Variants in CRACDL observed in about 807,000 individuals in gnomAD.
CRACDL encodes CRACD like.
Under a neutral mutation model 70.6 loss-of-function variants are expected in CRACDL, and 26 were observed. That is an observed-to-expected ratio of 0.37 (90% CI 0.27 to 0.51). The LOEUF is 0.51. Among genes scored for constraint, CRACDL ranks in the 20% least tolerant of loss-of-function variants. The pLI is 0.94. For missense variants in CRACDL, 1,283 were observed against 1,376.9 expected (o/e 0.93, Z 1.08); for synonymous variants, 618 against 615.2 (o/e 1.00, Z -0.07).
intron 1 of CRACDL, among the ~76,000 whole-genome samples, chr2:98,911,904 A>G (rs753684019): frequency 2.0e-5 from 3 of 152,210 alleles, no homozygotes; most frequent in African/African-American, 4.8e-5. Context: ...TGATGTGCCC[A>G]TACCACATAC....
At chr2:98,893,103 A>G (rs974465148) in intron 1 of CRACDL, among the ~76,000 whole-genome samples, 1 of 152,210 alleles carries the variant, frequency 6.6e-6, no homozygotes, top group Non-Finnish European at 1.5e-5. Context: ...CTCCAGGCAC[A>G]GCAGCAGGGA....
chr2:98,797,690 T>A (rs1173365536), intron 7 of CRACDL, among the ~76,000 whole-genome samples, 153 bp from the exon 8 acceptor site: 1 of 152,214 alleles, frequency 6.6e-6, no homozygotes, highest in Non-Finnish European at 1.5e-5. Context: ...TGTTTTCTTA[T>A]TAAAGATGCA....
intron 7 of CRACDL, among the ~76,000 whole-genome samples, chr2:98,807,078 G>C (rs1704336638): frequency 6.6e-6 from 1 of 152,134 alleles, no homozygotes; most frequent in Non-Finnish European, 1.5e-5. Flanking sequence ...GACCCTCACA[G>C]CCCTCCTTGC....
chr2:98,847,819 A>T lies in CRACDL; in HGVS notation c.-10-1009T>A, dbSNP rs1706322978. Among the ~76,000 whole-genome samples, 5 of 152,230 alleles carry T rather than the reference A, an allele frequency of 3.3e-5. No homozygotes were observed. The South Asian group carries it at 8.3e-4, about 25-fold the overall frequency. ...AATATTTAACCAATTCACGTTTACC[A>T]CTTGTACACAGCACAGAATGGGAAA... On this transcript the variant is annotated intron_variant, in intron 1 of 9. Coordinates refer to ENST00000397899, the MANE Select transcript of CRACDL (RefSeq NM_207362.3).
At chr2:98,901,994 C>T (rs1323464749) in intron 1 of CRACDL, among the ~76,000 whole-genome samples, 3 of 152,088 alleles carry the variant, frequency 2.0e-5, no homozygotes, top group South Asian at 4.2e-4. Context: ...ACCGAGAAAG[C>T]GGGACGTCAT....
chr2:98,910,244 G>A (rs1177851262), intron 1 of CRACDL, among the ~76,000 whole-genome samples: 1 of 152,166 alleles, frequency 6.6e-6, no homozygotes, highest in Non-Finnish European at 1.5e-5. Flanking sequence ...TTGAGGCCAG[G>A]TGTGGTGGCT....
rs189457429 is a variant in CRACDL at position 98,905,529 on chromosome 2, A to G, written c.-11+30409T>C. Among the ~76,000 whole-genome samples, 158 of 152,274 alleles carry G rather than the reference A, an allele frequency of 1.0e-3. 1 individual carries two copies. The highest frequency in any genetic ancestry group is 3.6e-3 in the African/African-American group (150 of 41,562). On this transcript the variant is annotated intron_variant, in intron 1 of 9. Transcript: ENST00000397899. ...GTTACCCAGTCTCAGGTATTCTTTT[A>G]TAACAACACAAATGGACTAACACAC...
At chr2:98,918,726 G>A (rs1159925266) in intron 1 of CRACDL, among the ~76,000 whole-genome samples, 3 of 151,794 alleles carry the variant, frequency 2.0e-5, no homozygotes, top group Non-Finnish European at 2.9e-5. Flanking sequence ...TTGATCATTC[G>A]TGTGTCTTCT....
intron 1 of CRACDL, among the ~76,000 whole-genome samples, chr2:98,932,766 T>G (rs1239364145): frequency 2.0e-5 from 3 of 152,204 alleles, no homozygotes; most frequent in Admixed American, 2.0e-4. Context: ...CAGAGATATT[T>G]TAAACTTCCT....
chr2:98,881,692 A>T (rs1009992237), intron 1 of CRACDL, among the ~76,000 whole-genome samples: 1 of 152,158 alleles, frequency 6.6e-6, no homozygotes, highest in African/African-American at 2.4e-5. Flanking sequence ...AAGGACAAGG[A>T]GCTGCCACAA....
chr2:98,848,459 A>C (rs1706350737), intron 1 of CRACDL, among the ~76,000 whole-genome samples: 2 of 152,132 alleles, frequency 1.3e-5, no homozygotes, highest in Non-Finnish European at 2.9e-5. Context: ...AGGAGTCACC[A>C]TCTGTTCCCC....
chr2:98,919,064 G>A (rs916174895), intron 1 of CRACDL, among the ~76,000 whole-genome samples: 2 of 152,142 alleles, frequency 1.3e-5, no homozygotes, highest in Non-Finnish European at 1.5e-5. Flanking sequence ...ACAGTTTCAG[G>A]TCTTACATTT....
At position 98,932,086 on chromosome 2, in the gene CRACDL, G is replaced by A. The variant is rs149062524; in HGVS notation, c.-11+3852C>T. Among the ~76,000 whole-genome samples the A allele has an allele frequency of 9.2e-4, 140 of 152,268 alleles. 1 individual carries two copies. Among genetic ancestry groups the A allele is most frequent in the Middle Eastern group, 3.4e-3 (1 of 294 alleles). On this transcript the variant is annotated intron_variant, in intron 1 of 9. Transcript: ENST00000397899. ...TTTGATGAGAATTCTCCTGATTTCC[G>A]TTCAGTTTGGGGAAAACAGAAGGAT...
chr2:98,817,846 C>G (rs922125975), intron 7 of CRACDL, among the ~76,000 whole-genome samples: 1 of 152,124 alleles, frequency 6.6e-6, no homozygotes, highest in Non-Finnish European at 1.5e-5. Flanking sequence ...AATGAGGTCC[C>G]CAGGTGAGAA....
intron 1 of CRACDL, among the ~76,000 whole-genome samples, chr2:98,912,032 C>A (rs538408504): frequency 6.6e-6 from 1 of 152,156 alleles, no homozygotes; most frequent in African/African-American, 2.4e-5. Flanking sequence ...CCCCTCCACA[C>A]CCCTGGGAGG....
At chr2:98,915,701 A>G (rs2104684037) in intron 1 of CRACDL, among the ~76,000 whole-genome samples, 1 of 152,306 alleles carries the variant, frequency 6.6e-6, no homozygotes, top group African/African-American at 2.4e-5. Flanking sequence ...TGAGCCACAC[A>G]TAGGTGTAGG....
intron 1 of CRACDL, among the ~76,000 whole-genome samples, chr2:98,910,391 C>A (rs1431178163): frequency 1.3e-5 from 2 of 151,988 alleles, no homozygotes; most frequent in Non-Finnish European, 2.9e-5. Flanking sequence ...CATGGTGGTG[C>A]ATGCCTGTAA....
intron 1 of CRACDL, among the ~76,000 whole-genome samples, chr2:98,874,464 G>A (rs923510344): frequency 6.6e-6 from 1 of 152,222 alleles, no homozygotes; most frequent in African/African-American, 2.4e-5. Context: ...ACGGGCTGCT[G>A]GGCAGAATCA....
In CRACDL at chr2:98,795,075, A is replaced by ATTTTTTTTTTT. The variant is rs1310155610; in HGVS notation, c.2750-405_2750-404insAAAAAAAAAAA. Among the ~76,000 whole-genome samples, 178 of 24,442 alleles carry ATTTTTTTTTTT rather than the reference A, an allele frequency of 7.3e-3. 12 individuals carry two copies. Among genetic ancestry groups the ATTTTTTTTTTT allele is most frequent in the East Asian group, 0.018 (13 of 734 alleles). The allele number at this position is 24,442 out of a possible 152,430, so 16.0% of individuals were successfully genotyped here. The stretch of plus-strand genomic sequence containing the variant: ...TATATATATATATATATATATATAT[A>ATTTTTTTTTTT]TATTTTTTTTTTTTTTTGAGACAGA... On this transcript the variant is annotated intron_variant, in intron 9 of 9. Transcript: ENST00000397899.
Sources: gnomAD v4.1 joint callset for allele counts (sites outside exome capture counted in the v4.1 genomes callset) on GRCh38, gnomAD v4.1.1 for gene constraint, MANE v1.5 for transcripts, NCBI Gene and HGNC (gene_info 2026-07-23, HGNC 2026-07-21) for gene names.